The following DPP6 variants were observed in gnomAD, a reference collection of about 807,000 sequenced individuals.
The protein encoded by DPP6 is A-type potassium channel modulatory protein DPP6.
DPP6 carries 69 observed loss-of-function variants against 122.6 expected under a neutral mutation model. The observed-to-expected ratio is 0.56, with a 90% CI of 0.46 to 0.69. DPP6 has a LOEUF of 0.69. Ranked by LOEUF, DPP6 falls within the 30% of genes least tolerant of loss-of-function variation. DPP6 has a pLI of 0.00. For synonymous variants in DPP6, 418 were observed against 433.1 expected (o/e 0.97, Z 0.43); for missense variants, 928 against 1,116.9 (o/e 0.83, Z 2.41).
chr7:154,304,584 T>C (rs1489036294), intron 1 of DPP6, among the ~76,000 whole-genome samples: 1 of 151,684 alleles, frequency 6.6e-6, no homozygotes, highest in Non-Finnish European at 1.5e-5. Flanking sequence ...TTCCTCTCTC[T>C]CTCTCCCTGT....
chr7:154,395,105 A>T (rs1287693295), intron 1 of DPP6, among the ~76,000 whole-genome samples: 1 of 152,194 alleles, frequency 6.6e-6, no homozygotes, highest in East Asian at 1.9e-4. Context: ...GGCAGATTTC[A>T]CATCTGATGA....
At chr7:154,336,562 G>T (rs377282866) in intron 1 of DPP6, among the ~76,000 whole-genome samples, 1 of 152,174 alleles carries the variant, frequency 6.6e-6, no homozygotes, top group African/African-American at 2.4e-5. Context: ...GAGCTGGAAC[G>T]TAACGCCCAC....
At chr7:153,928,396 A>ATGGTTTT (rs1275067491) in intron 1 of DPP6, among the ~76,000 whole-genome samples, 3 of 43,674 alleles carry the variant, frequency 6.9e-5, no homozygotes, top group African/African-American at 2.4e-4. Context: ...CTTTTCTTTC[A>ATGGTTTT]TTTTTTTTTT....
rs1378137940 is a variant in DPP6, at chr7:153,965,751, G to A, written c.51+78017G>A. On this transcript the variant is annotated intron_variant, in intron 1 of 25. Coordinates refer to the DPP6 transcript ENST00000404039. Reference sequence around the variant, plus strand: ...CACACCTGTAATCCCAGCACTTTGCGAGGCCCAGACAGGCGGATCACGAGG... The same window carrying A: ...CACACCTGTAATCCCAGCACTTTGCAAGGCCCAGACAGGCGGATCACGAGG... 7.9e-5 allele frequency among the ~76,000 whole-genome samples: 12 copies of A among 151,976 alleles called. No homozygotes were observed. The East Asian group carries it at 2.0e-3, about 25-fold the overall frequency.
intron 1 of DPP6, among the ~76,000 whole-genome samples, chr7:154,432,327 G>A (rs1818492349): frequency 6.6e-6 from 1 of 152,140 alleles, no homozygotes; most frequent in Admixed American, 6.5e-5. Flanking sequence ...ATTCTGGTAT[G>A]GAATGTGTAT....
intron 1 of DPP6, chr7:154,305,574 G>C (rs938218356): frequency 4.7e-6 from 6 of 1,271,258 alleles, no homozygotes; most frequent in Non-Finnish European, 6.2e-6. Context: ...TTGGGGGTCC[G>C]TGTGTGTGTG....
Position 153,932,213 on chromosome 7 carries a change from C to T in DPP6, c.51+44479C>T, listed in dbSNP as rs193132714. 3.0e-3 allele frequency among the ~76,000 whole-genome samples: 455 copies of T among 151,382 alleles called. 1 individual carries two copies. Among genetic ancestry groups the T allele is most frequent in the African/African-American group, 0.011 (440 of 41,274 alleles). On this transcript the variant is annotated intron_variant, in intron 1 of 25. Transcript: ENST00000404039. ...TTGGCTCACCACAACCTCCACCTCC[C>T]GGGTTCAAGCAATTCTCCTGCCTCG...
intron 1 of DPP6, among the ~76,000 whole-genome samples, chr7:154,169,117 A>G (rs1163744098): frequency 6.6e-6 from 1 of 152,090 alleles, no homozygotes; most frequent in East Asian, 1.9e-4. Flanking sequence ...CACTTAGGGA[A>G]TGAGAGGAGA....
At chr7:153,845,182 A>C in the DPP6 span, among the ~76,000 whole-genome samples, 1 of 152,284 alleles carries the variant, frequency 6.6e-6, no homozygotes, top group East Asian at 1.9e-4. Flanking sequence ...ATCTTATATT[A>C]AGAATGCTTA....
chr7:154,698,811 C>T (rs1053644585), intron 7 of DPP6, among the ~76,000 whole-genome samples: 4 of 152,222 alleles, frequency 2.6e-5, no homozygotes, highest in Admixed American at 2.0e-4. Flanking sequence ...TCAGGCGTAG[C>T]GGAGCCCCTG....
chr7:154,850,828 T>C (rs1000734301), intron 16 of DPP6, among the ~76,000 whole-genome samples: 1 of 152,246 alleles, frequency 6.6e-6, no homozygotes, highest in Non-Finnish European at 1.5e-5. Context: ...GCATCTTCTC[T>C]CTTTTTTTCT....
chr7:154,507,313 A>T lies in DPP6; in HGVS notation c.457+32276A>T, dbSNP rs1586486681. ...ACTTTAAGTTCTGGGATAAATGTGC[A>T]GAATGTGCATGTTTGTTACATAGGT... On this transcript the variant is annotated intron_variant, in intron 3 of 25. Transcript: ENST00000377770. Among the ~76,000 whole-genome samples the T allele has an allele frequency of 2.0e-5, 3 of 152,172 alleles. No homozygotes were observed. In the East Asian group the frequency reaches 5.8e-4, roughly 29 times the overall value.
intron 1 of DPP6, among the ~76,000 whole-genome samples, chr7:154,332,778 G>A (rs1456280820): frequency 1.3e-5 from 2 of 152,160 alleles, no homozygotes; most frequent in African/African-American, 4.8e-5. Flanking sequence ...TCTTTGTCGA[G>A]CTCTAGGAAT....
At chr7:154,424,789 C>G (rs926971140) in intron 1 of DPP6, among the ~76,000 whole-genome samples, 2 of 152,176 alleles carry the variant, frequency 1.3e-5, no homozygotes, top group African/African-American at 4.8e-5. Flanking sequence ...AACTGCGTGA[C>G]TTTAGGTAAA....
upstream of DPP6, among the ~76,000 whole-genome samples, chr7:153,885,912 TGGGC>T (rs1283357541): frequency 5.9e-5 from 9 of 152,224 alleles, no homozygotes; most frequent in East Asian, 1.7e-3. Flanking sequence ...TGTTTGCATG[TGGGC>T]ATTGTGGATA....
At chr7:154,078,946 C>CAAAAAAAAAAAAAAAAAAA (rs67950621) in intron 1 of DPP6, among the ~76,000 whole-genome samples, 1 of 112,610 alleles carries the variant, frequency 8.9e-6, no homozygotes, top group African/African-American at 3.3e-5. Context: ...CATTCTTTTC[C>CAAAAAAAAAAAAAAAAAAA]AAAAAAAAAA....
At chr7:154,882,686 C>T (rs4960634) in intron 21 of DPP6, among the ~76,000 whole-genome samples, 49,605 of 151,366 alleles carry the variant, frequency 0.33, 8,375 homozygotes, top group East Asian at 0.51. Context: ...AAAATCCCCC[C>T]TGCAGAAGAT....
At chr7:153,908,917 C>A in intron 1 of DPP6, among the ~76,000 whole-genome samples, 1 of 151,980 alleles carries the variant, frequency 6.6e-6, no homozygotes. Context: ...CCATGCCGGG[C>A]TAATTTTTGT....
chr7:154,317,738 A>G (rs184076697), intron 1 of DPP6, among the ~76,000 whole-genome samples: 124 of 152,340 alleles, frequency 8.1e-4, no homozygotes, highest in Non-Finnish European at 1.3e-3. Context: ...ATTCTGTAAC[A>G]TCTCTGCTGA....
Sources: gnomAD v4.1 joint callset for allele counts (sites outside exome capture counted in the v4.1 genomes callset) on GRCh38, gnomAD v4.1.1 for gene constraint, MANE v1.5 for transcripts, NCBI Gene and HGNC (gene_info 2026-07-23, HGNC 2026-07-21) for gene names.